CRAT: variants seen among roughly 807,000 people sequenced by gnomAD.
CRAT encodes carnitine acetylase.
CRAT carries 66 observed loss-of-function variants against 73.7 expected under a neutral mutation model. The ratio of observed to expected loss-of-function variants is 0.90; its 90% confidence interval spans 0.73 to 1.10. The LOEUF (loss-of-function observed/expected upper bound fraction) is 1.10, where lower values mean the gene tolerates loss of function less well. Ranked by LOEUF, CRAT falls within the 50% of genes least tolerant of loss-of-function variation. The probability of loss-of-function intolerance (pLI) is 0.00; values close to 1 mark genes in which losing one functional copy is unlikely to be tolerated. For synonymous variants in CRAT, 321 were observed against 343.2 expected (o/e 0.94, Z 0.71); for missense variants, 745 against 846.9 (o/e 0.88, Z 1.49).
At position 129,104,318 on chromosome 9, in the gene CRAT, G is replaced by C; in HGVS notation, c.292-12C>G. On this transcript the variant is annotated splice_polypyrimidine_tract_variant and intron_variant, in intron 2 of 13. Transcript: ENST00000318080. ...CACCACTCAGACAGCTGGGAAAAGT[G>C]CCAGAGCCTGTCAGGAGGGGTGCAT... 1 of 1,606,666 alleles carries C rather than the reference G, an allele frequency of 6.2e-7. No individual in the cohort carries two copies. The highest frequency in any genetic ancestry group is 8.5e-7 in the Non-Finnish European group (1 of 1,173,708).
In CRAT at chr9:129,106,857, C is replaced by T. The variant is rs566477422; in HGVS notation, c.291+957G>A. 2.6e-5 allele frequency among the ~76,000 whole-genome samples: 4 copies of T among 151,996 alleles called. No homozygotes were observed. Among genetic ancestry groups the T allele is most frequent in the South Asian group, 2.1e-4 (1 of 4,818 alleles). The stretch of plus-strand genomic sequence containing the variant: ...CAACCCCGACTTGGCAAATTCCACC[C>T]GTGCCCCCACCTCATTGGCAAGTGA... On this transcript the variant is annotated intron_variant, in intron 2 of 13. Coordinates refer to ENST00000318080, the MANE Select transcript of CRAT (RefSeq NM_000755.5). The surrounding 1 kb of genome is among the most constrained non-coding windows in gnomAD (Gnocchi z 4.0).
intron 1 of CRAT, chr9:129,108,555 G>C: frequency 8.9e-7 from 1 of 1,117,742 alleles, no homozygotes; most frequent in Middle Eastern, 4.1e-4. Flanking sequence ...TCGGGTGAGG[G>C]GCCTTGGGCT....
chr9:129,102,971 G>A, intron 4 of CRAT, 42 bp downstream of exon 4: 1 of 1,573,784 alleles, frequency 6.4e-7, no homozygotes, highest in Non-Finnish European at 8.7e-7. Context: ...AATTAAGCAG[G>A]CCTGGGCAGG....
intron 9 of CRAT, 56 bp from the exon 10 acceptor site, chr9:129,098,427 C>A: frequency 6.2e-7 from 1 of 1,605,012 alleles, no homozygotes; most frequent in Non-Finnish European, 8.5e-7. Flanking sequence ...CTGCCAACCC[C>A]ACGGAGGGTC....
chr9:129,101,338 A>G (rs1049772407), intron 6 of CRAT, among the ~76,000 whole-genome samples: 1 of 152,214 alleles, frequency 6.6e-6, no homozygotes, highest in African/African-American at 2.4e-5. Context: ...ATAGGGGACA[A>G]TAAGTTGTGG....
At chr9:129,096,966 G>C (rs1229645881) in intron 12 of CRAT, among the ~76,000 whole-genome samples, 1 of 152,050 alleles carries the variant, frequency 6.6e-6, no homozygotes, top group Non-Finnish European at 1.5e-5. Flanking sequence ...TACTTGGGAG[G>C]CTGAGGCAGG....
intron 2 of CRAT, among the ~76,000 whole-genome samples, chr9:129,105,296 G>A (rs1358734055): frequency 6.6e-6 from 1 of 152,092 alleles, no homozygotes; most frequent in African/African-American, 2.4e-5. Flanking sequence ...AAGGAAAAAA[G>A]GGAAGGGTCT....
intron 11 of CRAT, 131 bp downstream of exon 11, chr9:129,097,882 G>T: frequency 7.5e-7 from 1 of 1,339,518 alleles, no homozygotes; most frequent in Non-Finnish European, 1.0e-6. Flanking sequence ...CACGGCTCCA[G>T]CTTCTGTTAG....
At position 129,107,525 on chromosome 9, in the gene CRAT, G is replaced by A. The variant is rs974389235; in HGVS notation, c.291+289C>T. 2.2e-5 allele frequency: 14 copies of A among 642,896 alleles called. No homozygotes were observed. Among genetic ancestry groups the A allele is most frequent in the African/African-American group, 1.6e-4 (9 of 56,238 alleles). The allele number at this position is 642,896 out of a possible 1,614,324, so 39.8% of individuals were successfully genotyped here. On this transcript the variant is annotated intron_variant, in intron 2 of 13. Coordinates refer to ENST00000318080, the MANE Select transcript of CRAT (RefSeq NM_000755.5). The surrounding 1 kb of genome is among the most constrained non-coding windows in gnomAD (Gnocchi z 5.0). ...CCAAGCACAAGGGCATCTTCTATCT[G>A]GTTGTACCTGCCGTGCACCCCACTC...
At chr9:129,095,768 G>T (rs940756305) in intron 13 of CRAT, among the ~76,000 whole-genome samples, 156 bp from the exon 14 acceptor site, 1 of 152,216 alleles carries the variant, frequency 6.6e-6, no homozygotes, top group Non-Finnish European at 1.5e-5. Context: ...AGGCTGGCAC[G>T]AATCAAATGT....
At chr9:129,108,817 G>C (rs1848182474) in intron 1 of CRAT, 1 of 1,304,306 alleles carries the variant, frequency 7.7e-7, no homozygotes, top group Non-Finnish European at 1.0e-6. Flanking sequence ...TCTGGGCCCT[G>C]TCTGTCTGCC....
At chr9:129,102,991 G>C (rs777794738) in intron 4 of CRAT, 22 bp downstream of exon 4, 2 of 1,609,124 alleles carry the variant, frequency 1.2e-6, no homozygotes, top group Non-Finnish European at 1.7e-6. Flanking sequence ...GTGTGGGGCT[G>C]GGCAGGGGTG....
In CRAT at chr9:129,099,978, A is replaced by G. The variant is rs550021923; in HGVS notation, c.985-12T>C. The G allele has an allele frequency of 6.2e-7, 1 of 1,611,904 alleles. No homozygotes were observed. Among genetic ancestry groups the G allele is most frequent in the South Asian group, 1.1e-5 (1 of 90,960 alleles). On this transcript the variant is annotated splice_polypyrimidine_tract_variant and intron_variant, in intron 7 of 13. Coordinates refer to ENST00000318080, the MANE Select transcript of CRAT (RefSeq NM_000755.5). ...TCTGCCACGATGAACTGTGGAAGGG[A>G]AGGGAGACCCCGGTCAGCCCCAGGG... is the stretch of plus-strand genomic sequence containing the variant.
At chr9:129,104,811 AG>A (rs1564167763) in intron 2 of CRAT, among the ~76,000 whole-genome samples, 3 of 150,958 alleles carry the variant, frequency 2.0e-5, no homozygotes, top group Non-Finnish European at 4.4e-5. Flanking sequence ...TCACCGTGTT[AG>A]CCAGGATGGT....
At chr9:129,109,963 G>A (rs151106046) in intron 1 of CRAT, among the ~76,000 whole-genome samples, 1,758 of 151,810 alleles carry the variant, frequency 0.012, 17 homozygotes, top group Non-Finnish European at 0.019. Flanking sequence ...GGAGGGGAGG[G>A]AGACCATGGG....
rs755813841 is a variant in CRAT at position 129,110,475 on chromosome 9, G to A, written c.27+8C>T. 1 of 1,582,524 alleles carries A rather than the reference G, an allele frequency of 6.3e-7. No homozygotes were observed. Among genetic ancestry groups the A allele is most frequent in the Non-Finnish European group, 8.5e-7 (1 of 1,171,376 alleles). Reference sequence around the variant, plus strand: ...AGGGCCCTCAGGCCCGGGATCCGCCGCACTCACCACGGTCCTGGCAGCGAA... The same window carrying A: ...AGGGCCCTCAGGCCCGGGATCCGCCACACTCACCACGGTCCTGGCAGCGAA... On this transcript the variant is annotated splice_region_variant and intron_variant, in intron 1 of 13. Transcript: ENST00000318080. This position sits in a 1 kb window ranked among gnomAD's most constrained non-coding sequence, Gnocchi z 5.3.
Position 129,103,149 on chromosome 9 carries a change from G to A in CRAT, c.411-83C>T, listed in dbSNP as rs931712109. 2 of 1,212,014 alleles carry A rather than the reference G, an allele frequency of 1.7e-6. No homozygotes were observed. Among genetic ancestry groups the A allele is most frequent in the Middle Eastern group, 1.9e-4 (1 of 5,224 alleles). The allele number at this position is 1,212,014 out of a possible 1,614,324, so 75.1% of individuals were successfully genotyped here. A position where few individuals can be genotyped will look rare whatever the true frequency, so the allele number is the denominator to read the frequency against. On this transcript the variant is annotated intron_variant, in intron 3 of 13. Transcript: ENST00000318080. The surrounding 1 kb of genome is among the most constrained non-coding windows in gnomAD (Gnocchi z 4.6). ...CTAGGGACACCTGCTTGGGGAGCGGGAGGTCTAGTCTTCCAGCCTCTCTCA... is the reference window on the plus strand; with the variant it reads ...CTAGGGACACCTGCTTGGGGAGCGGAAGGTCTAGTCTTCCAGCCTCTCTCA...
rs746874 is a variant in CRAT, at chr9:129,102,592, A to G, written c.465-27T>C. On this transcript the variant is annotated intron_variant, in intron 4 of 13. Coordinates refer to ENST00000318080, the MANE Select transcript of CRAT (RefSeq NM_000755.5). Reference sequence around the variant, plus strand: ...TATGGGGTAGAGGGGCAGTGAGGCCACCACTGGGCAAGTGAATGGGGAGGA... The same window carrying G: ...TATGGGGTAGAGGGGCAGTGAGGCCGCCACTGGGCAAGTGAATGGGGAGGA... 8.3e-3 allele frequency: 13,376 copies of G among 1,611,378 alleles called. 838 individuals are homozygous for G. In the African/African-American group the frequency reaches 0.15, roughly 17 times the overall value.
rs3124500 is a variant in CRAT, at chr9:129,110,792, A to G, written c.-283T>C. ...CCGGGAGGTTGGCTGTGGGGCGGGG[A>G]CGGGGCATCGATGGGGCGGAGTCTC... is the stretch of plus-strand genomic sequence containing the variant. On this transcript the variant is annotated 5_prime_UTR_variant, in exon 1 of 14. Transcript: ENST00000318080. The surrounding 1 kb of genome is among the most constrained non-coding windows in gnomAD (Gnocchi z 5.3). 1 allele frequency: 418,848 copies of G among 419,646 alleles called. 209,034 individuals are homozygous for G. The highest frequency in any genetic ancestry group is 1 in the East Asian group (14,945 of 14,946). 26.0% of individuals were successfully genotyped at this position (419,646 alleles called of 1,614,324 possible).
Sources: allele counts gnomAD v4.1 joint callset (sites outside exome capture counted in the v4.1 genomes callset), GRCh38; gene constraint gnomAD v4.1.1; non-coding constraint Gnocchi (gnomAD v3.1); transcripts MANE v1.5; gene names NCBI Gene and HGNC (gene_info 2026-07-23, HGNC 2026-07-21).